FSTL4: variants seen among roughly 807,000 people sequenced by gnomAD.
The protein encoded by FSTL4 is follistatin-related protein 4.
A neutral mutation model predicts 78.2 loss-of-function variants in FSTL4; 28 were observed. The observed-to-expected ratio is 0.36, with a 90% CI of 0.27 to 0.49. FSTL4 has a LOEUF of 0.49. FSTL4 is among the 20% of genes least tolerant of loss of function. The probability of loss-of-function intolerance (pLI) is 0.98; values close to 1 mark genes in which losing one functional copy is unlikely to be tolerated. For missense variants in FSTL4, 922 were observed against 1,084.9 expected, an observed-to-expected ratio of 0.85 and a Z score of 2.11; for synonymous variants, 422 against 440.5, an observed-to-expected ratio of 0.96 and a Z score of 0.53.
intron 4 of FSTL4, among the ~76,000 whole-genome samples, chr5:133,323,828 T>TA (rs750243310): frequency 1.3e-5 from 2 of 152,254 alleles, no homozygotes; most frequent in Non-Finnish European, 2.9e-5. Context: ...CAGAACTTGG[T>TA]AATGAACTAC....
intron 3 of FSTL4, among the ~76,000 whole-genome samples, chr5:133,558,572 C>T (rs996803034): frequency 3.9e-5 from 6 of 152,126 alleles, no homozygotes; most frequent in Admixed American, 2.0e-4. Context: ...CTGGGACACA[C>T]GCTCCCTGAC....
intron 6 of FSTL4, among the ~76,000 whole-genome samples, chr5:133,310,017 C>T (rs2126885796): frequency 6.6e-6 from 1 of 152,290 alleles, no homozygotes; most frequent in East Asian, 1.9e-4. Context: ...ACCTATATGT[C>T]TCATTTCAAT....
At chr5:133,257,993 G>A (rs1381540108) in intron 6 of FSTL4, among the ~76,000 whole-genome samples, 1 of 152,196 alleles carries the variant, frequency 6.6e-6, no homozygotes, top group Non-Finnish European at 1.5e-5. Context: ...GATCTCTAAG[G>A]TTGGATCCAG....
chr5:133,767,363 C>A, the FSTL4 span, among the ~76,000 whole-genome samples: 2 of 152,148 alleles, frequency 1.3e-5, no homozygotes, highest in African/African-American at 4.8e-5. Context: ...AGCCCTCAGG[C>A]ACAGGGATGC....
intron 6 of FSTL4, among the ~76,000 whole-genome samples, chr5:133,262,136 C>T (rs1752542609): frequency 6.6e-6 from 1 of 152,218 alleles, no homozygotes; most frequent in Non-Finnish European, 1.5e-5. Context: ...TGCCACTAGG[C>T]TTTTCCTTTC....
At chr5:133,250,420 T>C (rs1440149912) in intron 6 of FSTL4, among the ~76,000 whole-genome samples, 1 of 152,136 alleles carries the variant, frequency 6.6e-6, no homozygotes, top group Non-Finnish European at 1.5e-5. Flanking sequence ...CCCAAATCTG[T>C]GCACTCAGGG....
chr5:133,528,872 G>C (rs1480541932), intron 3 of FSTL4, among the ~76,000 whole-genome samples: 1 of 152,226 alleles, frequency 6.6e-6, no homozygotes, highest in Non-Finnish European at 1.5e-5. Flanking sequence ...TTTGGACACA[G>C]AGCTGTTCGC....
At chr5:133,241,073 C>T (rs1028142134) in intron 7 of FSTL4, among the ~76,000 whole-genome samples, 1 of 152,206 alleles carries the variant, frequency 6.6e-6, no homozygotes, top group African/African-American at 2.4e-5. Flanking sequence ...GTGAGCTTCT[C>T]TGGGAAATTG....
chr5:133,760,025 C>A, the FSTL4 span, among the ~76,000 whole-genome samples: 1 of 152,218 alleles, frequency 6.6e-6, no homozygotes, highest in African/African-American at 2.4e-5. Flanking sequence ...CATCCCTACC[C>A]GGCTTCCCTG....
chr5:133,616,406 CTTCTT>C, upstream of FSTL4, among the ~76,000 whole-genome samples: 1 of 151,120 alleles, frequency 6.6e-6, no homozygotes, highest in Admixed American at 6.6e-5. Flanking sequence ...TTCTTTTCCT[CTTCTT>C]TTCTTTTTGA....
intron 3 of FSTL4, among the ~76,000 whole-genome samples, chr5:133,455,466 T>C (rs1357140388): frequency 8.7e-6 from 1 of 115,472 alleles, no homozygotes; most frequent in African/African-American, 3.7e-5. Flanking sequence ...TAAAATAAAT[T>C]TGTTTTTTAA....
chr5:133,447,804 T>C (rs985178157), intron 3 of FSTL4, among the ~76,000 whole-genome samples: 1 of 152,246 alleles, frequency 6.6e-6, no homozygotes, highest in Non-Finnish European at 1.5e-5. Context: ...CCTCCCAAAG[T>C]GCTGGGATTA....
chr5:133,238,693 CAT>C (rs1751735287), intron 7 of FSTL4, among the ~76,000 whole-genome samples: 1 of 152,270 alleles, frequency 6.6e-6, no homozygotes, highest in African/African-American at 2.4e-5. Context: ...ACGTGGTACA[CAT>C]GATGATGTAC....
chr5:133,554,447 A>G (rs1759750447), intron 3 of FSTL4, among the ~76,000 whole-genome samples: 1 of 152,254 alleles, frequency 6.6e-6, no homozygotes, highest in South Asian at 2.1e-4. Context: ...ATAGATGTCA[A>G]ACAGCATTTA....
At chr5:133,463,037 G>A (rs1299529628) in intron 3 of FSTL4, among the ~76,000 whole-genome samples, 1 of 152,172 alleles carries the variant, frequency 6.6e-6, no homozygotes, top group Non-Finnish European at 1.5e-5. Context: ...GAGGCAGGAA[G>A]TCTCTTCTAG....
the FSTL4 span, among the ~76,000 whole-genome samples, chr5:133,759,177 C>T: frequency 4.6e-4 from 70 of 152,140 alleles, no homozygotes; most frequent in African/African-American, 1.5e-3. Context: ...AAGACATAAA[C>T]GGGAAATTCT....
the FSTL4 span, among the ~76,000 whole-genome samples, chr5:133,712,874 G>A: frequency 3.3e-5 from 5 of 152,184 alleles, no homozygotes; most frequent in Admixed American, 2.6e-4. Context: ...AGCCCCTGCA[G>A]GAGGTCCAGG....
At chr5:133,284,063 T>C (rs902894755) in intron 6 of FSTL4, among the ~76,000 whole-genome samples, 32 of 152,288 alleles carry the variant, frequency 2.1e-4, no homozygotes, top group Middle Eastern at 6.8e-3. Flanking sequence ...TCCCCCAGCA[T>C]TGAGAATTAC....
intron 4 of FSTL4, among the ~76,000 whole-genome samples, chr5:133,322,922 G>A (rs182925325): frequency 1.3e-5 from 2 of 152,300 alleles, no homozygotes; most frequent in East Asian, 3.9e-4. Context: ...TCCCCTTAAT[G>A]GGATTACATG....
Sources: gnomAD v4.1 joint callset for allele counts (sites outside exome capture counted in the v4.1 genomes callset) on GRCh38, gnomAD v4.1.1 for gene constraint, MANE v1.5 for transcripts, NCBI Gene and HGNC (gene_info 2026-07-23, HGNC 2026-07-21) for gene names.